Variants in ZMYM2 observed in about 807,000 individuals in gnomAD.
ZMYM2 encodes zinc finger MYM-type containing 2.
In ZMYM2, 56 loss-of-function variants were observed where a neutral mutation model predicts 162.8. The observed-to-expected ratio is 0.34, with a 90% CI of 0.28 to 0.43. The LOEUF (loss-of-function observed/expected upper bound fraction) is 0.43. ZMYM2 is among the 20% of genes least tolerant of loss of function. The pLI is 1.00. For missense variants in ZMYM2, 1,275 were observed against 1,621.8 expected (o/e 0.79, Z 3.67); for synonymous variants, 510 against 541.6 (o/e 0.94, Z 0.81).
At chr13:19,878,131 C>A in the ZMYM2 span, among the ~76,000 whole-genome samples, 2 of 151,622 alleles carry the variant, frequency 1.3e-5, no homozygotes, top group Non-Finnish European at 2.9e-5. Context: ...CAGCTCACTG[C>A]AACCTCAGCC....
the ZMYM2 span, among the ~76,000 whole-genome samples, chr13:19,919,797 C>A: frequency 6.6e-6 from 1 of 151,986 alleles, no homozygotes; most frequent in Non-Finnish European, 1.5e-5. Context: ...CCTGCCTCAG[C>A]CTCCTGAGTA....
intron 3 of ZMYM2, among the ~76,000 whole-genome samples, chr13:19,999,117 T>C (rs1950215065): frequency 6.6e-6 from 1 of 152,220 alleles, no homozygotes; most frequent in African/African-American, 2.4e-5. Flanking sequence ...CTAGCATTAA[T>C]AGTTACCACA....
Position 19,977,039 on chromosome 13 carries a change from C to G in ZMYM2, c.-10-16024C>G, listed in dbSNP as rs139971148. Among the ~76,000 whole-genome samples the G allele has an allele frequency of 3.0e-3, 460 of 152,288 alleles. 4 individuals carry two copies. Among genetic ancestry groups the G allele is most frequent in the African/African-American group, 0.011 (439 of 41,554 alleles). On this transcript the variant is annotated intron_variant, in intron 2 of 24. Transcript: ENST00000610343. ...CATCAATATATAATGTCCTTTGTCT[C>G]TTATAACCTTTTTTGATTTAAAGTT...
the ZMYM2 span, chr13:19,864,753 C>T: frequency 2.0e-5 from 3 of 152,308 alleles, no homozygotes; most frequent in African/African-American, 7.2e-5. Flanking sequence ...GGGGCGCACC[C>T]GCTGCGGCCC....
intron 12 of ZMYM2, among the ~76,000 whole-genome samples, chr13:20,039,492 G>A (rs199932897): frequency 1.5e-5 from 1 of 64,774 alleles, no homozygotes; most frequent in Non-Finnish European, 3.0e-5. Flanking sequence ...TTTTTTTTTT[G>A]ACATGGTGTC....
the ZMYM2 span, among the ~76,000 whole-genome samples, chr13:19,937,762 A>G: frequency 4.1e-5 from 6 of 146,896 alleles, no homozygotes; most frequent in East Asian, 2.1e-4. Flanking sequence ...AGCATTAGGT[A>G]TATCTCCTAG....
At chr13:19,907,282 A>C in the ZMYM2 span, among the ~76,000 whole-genome samples, 1 of 152,160 alleles carries the variant, frequency 6.6e-6, no homozygotes, top group Non-Finnish European at 1.5e-5. Context: ...TATTCTATGA[A>C]TCTTTTATCC....
intron 10 of ZMYM2, among the ~76,000 whole-genome samples, chr13:20,033,750 A>G (rs1023134767): frequency 1.6e-4 from 24 of 152,140 alleles, no homozygotes; most frequent in Non-Finnish European, 2.2e-4. Context: ...AAGGGAAACA[A>G]CTCAGTCTCA....
chr13:19,960,931 A>G (rs17074497), intron 2 of ZMYM2, among the ~76,000 whole-genome samples: 15,459 of 152,208 alleles, frequency 0.1, 1,299 homozygotes, highest in African/African-American at 0.22. Flanking sequence ...TTCAAAAAAT[A>G]GTGAATTGAT....
In ZMYM2 at chr13:20,009,350, A is replaced by G. The variant is rs200497765; in HGVS notation, c.1512+2764A>G. Among the ~76,000 whole-genome samples the G allele has an allele frequency of 2.6e-5, 4 of 152,232 alleles. No individual in the cohort carries two copies. The East Asian group carries it at 7.7e-4, about 29-fold the overall frequency. On this transcript the variant is annotated intron_variant, in intron 6 of 24. Coordinates refer to ENST00000610343, the MANE Select transcript of ZMYM2 (RefSeq NM_197968.4). ...AAACAAGAAAATCTCAGTGCTATTT[A>G]AACAATTCCAGAGCATAAAAAGGAC...
chr13:20,085,292 G>A (rs1692205346), intron 24 of ZMYM2, among the ~76,000 whole-genome samples: 1 of 152,134 alleles, frequency 6.6e-6, no homozygotes, highest in South Asian at 2.1e-4. Flanking sequence ...ATGGTTTAGG[G>A]TGGTCCTATT....
chr13:19,955,488 G>A (rs1246342974), upstream of ZMYM2, among the ~76,000 whole-genome samples: 1 of 152,154 alleles, frequency 6.6e-6, no homozygotes, highest in African/African-American at 2.4e-5. Context: ...AATTCAGATG[G>A]GGGCAGTCTG....
rs187261449 is a variant in ZMYM2 at position 20,025,146 on chromosome 13, C to G, written c.1585-1466C>G. 434 of 207,420 alleles carry G rather than the reference C, an allele frequency of 2.1e-3. 15 individuals carry two copies. In the South Asian group the frequency reaches 0.057, roughly 27 times the overall value. The allele number at this position is 207,420 out of a possible 1,614,324, so 12.8% of individuals were successfully genotyped here. On this transcript the variant is annotated intron_variant, in intron 7 of 24. Coordinates refer to ENST00000610343, the MANE Select transcript of ZMYM2 (RefSeq NM_197968.4). Reference sequence around the variant, plus strand: ...ATTCATTTCAGTTGTTATTTTTGGCCTGATTGTTATCTATAACACCTATTA... The same window carrying G: ...ATTCATTTCAGTTGTTATTTTTGGCGTGATTGTTATCTATAACACCTATTA...
chr13:19,892,773 G>C, the ZMYM2 span, among the ~76,000 whole-genome samples: 1 of 150,234 alleles, frequency 6.7e-6, no homozygotes, highest in East Asian at 2.0e-4. Context: ...GGGTTGCAGT[G>C]GTGTAATGTC....
At chr13:20,047,687 A>G (rs1178458229) in intron 12 of ZMYM2, among the ~76,000 whole-genome samples, 3 of 152,108 alleles carry the variant, frequency 2.0e-5, no homozygotes, top group Non-Finnish European at 4.4e-5. Context: ...TGCTTTAAAA[A>G]TTGTTTTACT....
At position 20,066,012 on chromosome 13, in the gene ZMYM2, A is replaced by G. The variant is rs114680349; in HGVS notation, c.3133-839A>G. 9.7e-3 allele frequency among the ~76,000 whole-genome samples: 1,471 copies of G among 152,306 alleles called. 22 individuals are homozygous for G. The highest frequency in any genetic ancestry group is 0.041 in the Middle Eastern group (12 of 294). ...TTTATTGTCTTATATTTATTTTCTC[A>G]TCATTGGTGACTCTCACCACAGAAT... is the stretch of plus-strand genomic sequence containing the variant. On this transcript the variant is annotated intron_variant, in intron 19 of 24. Transcript: ENST00000610343.
At chr13:19,976,942 A>G (rs1379304228) in intron 2 of ZMYM2, among the ~76,000 whole-genome samples, 3 of 152,150 alleles carry the variant, frequency 2.0e-5, no homozygotes, top group African/African-American at 4.8e-5. Context: ...TTGCTTTAAT[A>G]TATTTTGATG....
chr13:19,977,316 C>T (rs890751130), intron 2 of ZMYM2, among the ~76,000 whole-genome samples: 8 of 151,988 alleles, frequency 5.3e-5, no homozygotes, highest in African/African-American at 1.5e-4. Flanking sequence ...CCATGGTGCC[C>T]GGCCCTAAAG....
rs550858200 is a variant in ZMYM2 at position 20,072,628 on chromosome 13, A to G, written c.3453+5238A>G. 3.9e-5 allele frequency among the ~76,000 whole-genome samples: 6 copies of G among 152,324 alleles called. No individual in the cohort carries two copies. The East Asian group carries it at 9.6e-4, about 24-fold the overall frequency. The stretch of plus-strand genomic sequence containing the variant: ...AATTGGCATTCTTCCTTAAATATGC[A>G]ATAGAATTCACCAGTGAAGCCATAT... On this transcript the variant is annotated intron_variant, in intron 21 of 24. Transcript: ENST00000610343.
Sources: gnomAD v4.1 joint callset for allele counts (sites outside exome capture counted in the v4.1 genomes callset) on GRCh38, gnomAD v4.1.1 for gene constraint, MANE v1.5 for transcripts, NCBI Gene and HGNC (gene_info 2026-07-23, HGNC 2026-07-21) for gene names.